COP1: variants seen among roughly 807,000 people sequenced by gnomAD.
COP1 encodes the protein COP1 E3 ubiquitin ligase.
A neutral mutation model predicts 101.3 loss-of-function variants in COP1; 24 were observed. The observed-to-expected ratio is 0.24, with a 90% CI of 0.17 to 0.33. The LOEUF (loss-of-function observed/expected upper bound fraction) is 0.33. COP1 is among the 10% of genes least tolerant of loss of function. The pLI is 1.00. For missense variants in COP1, 663 were observed against 906.2 expected (o/e 0.73, Z 3.45); for synonymous variants, 347 against 341.9 (o/e 1.01, Z -0.17).
chr1:175,993,292 G>GA (rs1319173175), intron 15 of COP1, among the ~76,000 whole-genome samples: 11 of 152,242 alleles, frequency 7.2e-5, no homozygotes, highest in Non-Finnish European at 1.3e-4. Flanking sequence ...CAAAGATGGG[G>GA]AAAAAACAAA....
intron 18 of COP1, among the ~76,000 whole-genome samples, chr1:175,967,161 A>C (rs1476416837): frequency 1.3e-5 from 2 of 152,206 alleles, no homozygotes; most frequent in African/African-American, 4.8e-5. Flanking sequence ...TCAGGGTAAG[A>C]AATATGGGAT....
chr1:176,037,180 A>G (rs1571842095), intron 14 of COP1, among the ~76,000 whole-genome samples: 1 of 152,156 alleles, frequency 6.6e-6, no homozygotes, highest in South Asian at 2.1e-4. Context: ...AGGCAGGCGG[A>G]TCACGAGGTC....
intron 6 of COP1, among the ~76,000 whole-genome samples, chr1:176,141,711 C>A (rs1364566627): frequency 7.9e-5 from 12 of 151,390 alleles, no homozygotes; most frequent in African/African-American, 2.7e-4. Flanking sequence ...CTTCATTTAA[C>A]CCTTTCATAG....
At chr1:176,000,002 G>C (rs1213808782) in intron 15 of COP1, among the ~76,000 whole-genome samples, 1 of 151,844 alleles carries the variant, frequency 6.6e-6, no homozygotes, top group Non-Finnish European at 1.5e-5. Flanking sequence ...ATATATTCTG[G>C]TTATTAATCA....
chr1:176,118,031 C>T (rs764676666), intron 8 of COP1, among the ~76,000 whole-genome samples: 10 of 152,138 alleles, frequency 6.6e-5, no homozygotes, highest in Admixed American at 1.3e-4. Context: ...TTACTTAGTA[C>T]TGAAAGAACC....
At chr1:176,042,175 G>T (rs1356152614) in intron 14 of COP1, among the ~76,000 whole-genome samples, 2 of 151,004 alleles carry the variant, frequency 1.3e-5, no homozygotes, top group Admixed American at 6.6e-5. Flanking sequence ...GGAGGTGGAG[G>T]CAGGAGAATC....
intron 19 of COP1, 48 bp from the exon 20 acceptor site, chr1:175,945,218 T>TA (rs752400080): frequency 1.5e-6 from 2 of 1,359,820 alleles, no homozygotes; most frequent in East Asian, 4.7e-5. Flanking sequence ...ATTTAAGATA[T>TA]AAAAGGAATT....
intron 15 of COP1, among the ~76,000 whole-genome samples, chr1:176,021,539 C>T (rs185463247): frequency 3.9e-5 from 6 of 152,006 alleles, no homozygotes; most frequent in Admixed American, 2.0e-4. Flanking sequence ...CTAATAAATA[C>T]GGGACATAAT....
intron 18 of COP1, among the ~76,000 whole-genome samples, chr1:175,957,497 T>G (rs548329611): frequency 6.6e-6 from 1 of 152,292 alleles, no homozygotes; most frequent in Admixed American, 6.5e-5. Context: ...CATCCAGGTT[T>G]GGGAAGTACA....
chr1:176,166,246 C>T (rs546267436), intron 3 of COP1, among the ~76,000 whole-genome samples: 1 of 152,304 alleles, frequency 6.6e-6, no homozygotes, highest in African/African-American at 2.4e-5. Context: ...CCCATCTCAG[C>T]CTTCCCAGTA....
chr1:176,195,257 A>G lies in COP1; in HGVS notation c.408-10565T>C, dbSNP rs184691220. 2.2e-3 allele frequency among the ~76,000 whole-genome samples: 333 copies of G among 152,338 alleles called. 1 individual carries two copies. The highest frequency in any genetic ancestry group is 7.6e-3 in the African/African-American group (317 of 41,568). ...AGAACAAGGAATATTATCAGGAATA[A>G]AGAGTGACATTTCAAAATGATAAGG... On this transcript the variant is annotated intron_variant, in intron 1 of 19. Transcript: ENST00000367669.
chr1:176,026,980 A>T (rs549116033), intron 15 of COP1, among the ~76,000 whole-genome samples: 1 of 152,308 alleles, frequency 6.6e-6, no homozygotes, highest in Non-Finnish European at 1.5e-5. Flanking sequence ...ACAATGGTAC[A>T]AACGGTGTGA....
At position 175,988,376 on chromosome 1, in the gene COP1, C is replaced by T. The variant is rs1657611292; in HGVS notation, c.1884G>A (p.Gly628=). The change falls in exon 17 of 20, where the codon GGG becomes GGA. Residue 628 remains glycine, a synonymous_variant. Coordinates refer to ENST00000367669, the MANE Select transcript of COP1 (RefSeq NM_022457.7). ...TDSQLKLWNV[G]KPYCLRSFKG... is the part of the protein sequence containing the mutation. ...TGAAGGAACGTAGGCAGTATGGTTTCCCTACATTCCACAGTTTTAGCTGAC... is the reference window on the plus strand; with the variant it reads ...TGAAGGAACGTAGGCAGTATGGTTTTCCTACATTCCACAGTTTTAGCTGAC... 3 of 1,609,606 alleles carry T rather than the reference C, an allele frequency of 1.9e-6. No individual in the cohort carries two copies. Among genetic ancestry groups the T allele is most frequent in the Non-Finnish European group, 2.5e-6 (3 of 1,176,916 alleles).
intron 11 of COP1, among the ~76,000 whole-genome samples, chr1:176,066,397 A>G (rs1417780765): frequency 1.3e-5 from 2 of 152,186 alleles, no homozygotes; most frequent in African/African-American, 4.8e-5. Context: ...GGTACAGAAA[A>G]GCTTTTCCTC....
intron 9 of COP1, among the ~76,000 whole-genome samples, chr1:176,093,467 C>A (rs560711676): frequency 4.0e-5 from 6 of 151,552 alleles, no homozygotes; most frequent in African/African-American, 1.5e-4. Context: ...CCAGCAGTTT[C>A]GGTGGCTGAG....
intron 1 of COP1, among the ~76,000 whole-genome samples, chr1:176,194,946 A>T (rs1454244986): frequency 6.7e-6 from 1 of 149,806 alleles, no homozygotes; most frequent in Admixed American, 6.6e-5. Flanking sequence ...AATCAACCAG[A>T]TGTGGTGGCC....
chr1:175,985,308 A>AT (rs1410647661), intron 18 of COP1, among the ~76,000 whole-genome samples: 1 of 151,978 alleles, frequency 6.6e-6, no homozygotes, highest in Non-Finnish European at 1.5e-5. Flanking sequence ...ATGTCTGTTT[A>AT]TTTTTTATTG....
At chr1:175,995,380 A>T (rs1659870661) in intron 15 of COP1, among the ~76,000 whole-genome samples, 1 of 152,238 alleles carries the variant, frequency 6.6e-6, no homozygotes, top group African/African-American at 2.4e-5. Flanking sequence ...GCAGAAGGCA[A>T]AAAATAATTA....
In COP1 at chr1:176,162,891, T is replaced by G. The variant is rs928066219; in HGVS notation, c.740A>C (p.Gln247Pro). ...NVNLMLELLV[Q>P]KKKQLEAESH... Reference sequence around the variant, plus strand: ...TACTGCTTCCAGTTGTTTCTTCTTCTGCACTAGTAACTCCAACATAAGATT... The same window carrying G: ...TACTGCTTCCAGTTGTTTCTTCTTCGGCACTAGTAACTCCAACATAAGATT... Residue 247 changes from glutamine (Q) to proline (P), a missense_variant, in exon 5 of 20, where the codon CAG (glutamine) becomes CCG (proline). This residue lies in a region of COP1 where 212 missense variants were observed against 240.7 expected (regional missense o/e 0.88). Transcript: ENST00000367669. 1.9e-6 allele frequency: 3 copies of G among 1,603,252 alleles called. No homozygotes were observed. The highest frequency in any genetic ancestry group is 2.6e-6 in the Non-Finnish European group (3 of 1,175,148).
Sources: allele counts gnomAD v4.1 joint callset (sites outside exome capture counted in the v4.1 genomes callset), GRCh38; gene constraint gnomAD v4.1.1; regional missense constraint gnomAD v4.1.1; transcripts MANE v1.5; gene names NCBI Gene and HGNC (gene_info 2026-07-23, HGNC 2026-07-21).